Variants in MAP3K9 observed in about 807,000 individuals in gnomAD.
The protein encoded by MAP3K9 is mixed lineage kinase 1 (tyr and ser/thr specificity).
A neutral mutation model predicts 95.8 loss-of-function variants in MAP3K9; 46 were observed. That is an observed-to-expected ratio of 0.48 (90% CI 0.38 to 0.61). The LOEUF (loss-of-function observed/expected upper bound fraction) is 0.61. Among genes scored for constraint, MAP3K9 ranks in the 20% least tolerant of loss-of-function variants. The pLI is 0.00. For missense variants in MAP3K9, 1,296 were observed against 1,474.3 expected (o/e 0.88, Z 1.98); for synonymous variants, 533 against 593.8 (o/e 0.90, Z 1.49).
chr14:70,768,805 A>G (rs1056396193), intron 2 of MAP3K9, among the ~76,000 whole-genome samples: 2 of 151,938 alleles, frequency 1.3e-5, no homozygotes, highest in Admixed American at 6.6e-5. Flanking sequence ...TCATTTTCAG[A>G]TTTCTTATTT....
intron 2 of MAP3K9, among the ~76,000 whole-genome samples, chr14:70,780,168 G>A (rs1012476583): frequency 2.0e-5 from 3 of 152,218 alleles, no homozygotes; most frequent in African/African-American, 7.2e-5. Flanking sequence ...ACCAGCACTG[G>A]AGAAACAACC....
At chr14:70,772,507 T>C (rs1318011520) in intron 2 of MAP3K9, among the ~76,000 whole-genome samples, 2 of 152,200 alleles carry the variant, frequency 1.3e-5, no homozygotes, top group Non-Finnish European at 2.9e-5. Context: ...TAAACATTCA[T>C]CTGGAATTAA....
chr14:70,756,127 G>C (rs2054295231), intron 3 of MAP3K9, among the ~76,000 whole-genome samples: 1 of 152,166 alleles, frequency 6.6e-6, no homozygotes, highest in South Asian at 2.1e-4. Context: ...TTTCGGTGGA[G>C]AAAAAAGCTC....
At chr14:70,772,743 G>A (rs754279571) in intron 2 of MAP3K9, among the ~76,000 whole-genome samples, 1 of 152,182 alleles carries the variant, frequency 6.6e-6, no homozygotes, top group Non-Finnish European at 1.5e-5. Context: ...CACAACTAAT[G>A]TTTATGGAGT....
rs112552787 is a variant in MAP3K9, at chr14:70,793,039, A to T, written c.820+7628T>A. Among the ~76,000 whole-genome samples, 1,001 of 152,324 alleles carry T rather than the reference A, an allele frequency of 6.6e-3. 10 individuals are homozygous for T. Among genetic ancestry groups the T allele is most frequent in the Non-Finnish European group, 9.2e-3 (625 of 68,030 alleles). On this transcript the variant is annotated intron_variant, in intron 2 of 11. Transcript: ENST00000554752. ...TCCAACAGGAGCAGCCAATCCAACA[A>T]TTCAACAAAACTGGAACAGGCACCA...
intron 2 of MAP3K9, among the ~76,000 whole-genome samples, chr14:70,796,704 C>T (rs2054868238): frequency 6.6e-6 from 1 of 152,220 alleles, no homozygotes; most frequent in Non-Finnish European, 1.5e-5. Flanking sequence ...CTTTTCTGTG[C>T]TTCTGCTTCC....
chr14:70,764,612 T>C, intron 2 of MAP3K9, among the ~76,000 whole-genome samples: 1 of 150,256 alleles, frequency 6.7e-6, no homozygotes, highest in East Asian at 2.0e-4. Context: ...GGGAGGATCG[T>C]TTGAGCCCAG....
intron 2 of MAP3K9, among the ~76,000 whole-genome samples, chr14:70,798,931 T>C (rs2054897501): frequency 6.6e-6 from 1 of 152,158 alleles, no homozygotes; most frequent in Non-Finnish European, 1.5e-5. Flanking sequence ...ATATCTAAAA[T>C]ACATATCTAA....
intron 2 of MAP3K9, among the ~76,000 whole-genome samples, chr14:70,797,396 G>A (rs2054876138): frequency 6.6e-6 from 1 of 151,212 alleles, no homozygotes; most frequent in African/African-American, 2.4e-5. Flanking sequence ...GGGCCACAAA[G>A]CAAGACTCCC....
intron 2 of MAP3K9, among the ~76,000 whole-genome samples, chr14:70,796,149 C>T (rs1196196307): frequency 6.6e-6 from 1 of 152,140 alleles, no homozygotes; most frequent in Non-Finnish European, 1.5e-5. Flanking sequence ...AAGTCATCTA[C>T]CTGCCCCCAA....
intron 2 of MAP3K9, among the ~76,000 whole-genome samples, chr14:70,780,629 C>T (rs1348412276): frequency 6.6e-6 from 1 of 152,174 alleles, no homozygotes; most frequent in African/African-American, 2.4e-5. Context: ...GAAAACACAG[C>T]TGGGACTCCA....
chr14:70,743,719 G>C (rs1401378560), intron 5 of MAP3K9, among the ~76,000 whole-genome samples: 1 of 152,216 alleles, frequency 6.6e-6, no homozygotes, highest in African/African-American at 2.4e-5. Context: ...ATGCTGGAGA[G>C]GATGTGGAGA....
At chr14:70,781,274 G>A (rs910668206) in intron 2 of MAP3K9, among the ~76,000 whole-genome samples, 1 of 152,248 alleles carries the variant, frequency 6.6e-6, no homozygotes, top group Non-Finnish European at 1.5e-5. Context: ...AGAGAGCCAT[G>A]CTCATGGACA....
Position 70,733,072 on chromosome 14 carries a change from C to A in MAP3K9, c.2297G>T (p.Gly766Val). 1 of 1,614,140 alleles carries A rather than the reference C, an allele frequency of 6.2e-7. No homozygotes were observed. The highest frequency in any genetic ancestry group is 8.5e-7 in the Non-Finnish European group (1 of 1,180,036). ...CTTGCCAGCTTCCAGCAAGTCAAACCCTAGGCCTGTGGCTGCCAGAACAGC... is the reference window on the plus strand; with the variant it reads ...CTTGCCAGCTTCCAGCAAGTCAAACACTAGGCCTGTGGCTGCCAGAACAGC... ...CGAVLAATGL[G>V]FDLLEAGKCQ... The change falls in exon 11 of 12, where the codon GGG becomes GTG. Residue 766 changes from glycine (G) to valine (V), a missense_variant. Gly to Val is a moderately radical substitution (Grantham distance 109). This residue lies in a region of MAP3K9 where 12 missense variants were observed against 30.9 expected (regional missense o/e 0.39). Transcript: ENST00000554752.
At chr14:70,770,730 G>A (rs544932142) in intron 2 of MAP3K9, among the ~76,000 whole-genome samples, 1 of 152,202 alleles carries the variant, frequency 6.6e-6, no homozygotes, top group East Asian at 1.9e-4. Context: ...ATGACATTCT[G>A]AGTCACGCTG....
Position 70,800,831 on chromosome 14 carries a change from A to G in MAP3K9, c.656T>C (p.Val219Ala). Residue 219 changes from valine (V) to alanine (A), a missense_variant, in exon 2 of 12, where the codon GTC becomes GCC. Val to Ala is a moderately conservative substitution (Grantham distance 64, BLOSUM62 0). Transcript: ENST00000554752. ...AGGTCCTCCACGAGCAAACTCCATG[A>G]CCAAGCAGAGGTTGGGCTCCTTCAG... Reference protein sequence around the residue: ...VCLKEPNLCLVMEFARGGPLN... With the variant: ...VCLKEPNLCLAMEFARGGPLN... 6.2e-7 allele frequency: 1 copy of G among 1,614,142 alleles called. No homozygotes were observed. The highest frequency in any genetic ancestry group is 8.5e-7 in the Non-Finnish European group (1 of 1,180,030).
In MAP3K9 at chr14:70,801,131, C is replaced by T. The variant is rs375767355; in HGVS notation, c.407-51G>A. ...CAAGTCAAAAACATCTTGAAAACATCGTATTTAACCTTTCATTTACCTGAG... is the reference window on the plus strand; with the variant it reads ...CAAGTCAAAAACATCTTGAAAACATTGTATTTAACCTTTCATTTACCTGAG... On this transcript the variant is annotated intron_variant, in intron 1 of 11. Coordinates refer to ENST00000554752, the MANE Select transcript of MAP3K9 (RefSeq NM_001284230.2). The T allele has an allele frequency of 2.1e-5, 32 of 1,532,016 alleles. No individual in the cohort carries two copies. In the African/African-American group the frequency reaches 3.9e-4, roughly 18 times the overall value. 94.9% of individuals were successfully genotyped at this position (1,532,016 alleles called of 1,614,324 possible).
chr14:70,798,471 GTTTT>G (rs1170327816), intron 2 of MAP3K9, among the ~76,000 whole-genome samples: 16 of 65,438 alleles, frequency 2.4e-4, no homozygotes, highest in African/African-American at 5.0e-4. Flanking sequence ...GTCACCAAAA[GTTTT>G]TTTTTTTTTT....
chr14:70,769,940 T>C (rs908715279), intron 2 of MAP3K9, among the ~76,000 whole-genome samples: 1 of 152,202 alleles, frequency 6.6e-6, no homozygotes, highest in Non-Finnish European at 1.5e-5. Context: ...GGGGACACTA[T>C]TCTACCCACA....
Sources: allele counts gnomAD v4.1 joint callset (sites outside exome capture counted in the v4.1 genomes callset), GRCh38; gene constraint gnomAD v4.1.1; regional missense constraint gnomAD v4.1.1; transcripts MANE v1.5; gene names NCBI Gene and HGNC (gene_info 2026-07-23, HGNC 2026-07-21).